The following POTEE variants were observed in gnomAD, a reference collection of about 807,000 sequenced individuals.
The protein encoded by POTEE is ANKRD26-like family C member 1A.
Under a neutral mutation model 74.2 loss-of-function variants are expected in POTEE, and 21 were observed. The observed-to-expected ratio is 0.28, with a 90% confidence interval of 0.20 to 0.41. The LOEUF is 0.41. Among genes scored for constraint, POTEE ranks in the 10% least tolerant of loss-of-function variants. POTEE has a pLI of 1.00. For synonymous variants in POTEE, 211 were observed against 432.8 expected, an observed-to-expected ratio of 0.49 and a Z score of 6.36; for missense variants, 525 against 1,158.6, an observed-to-expected ratio of 0.45 and a Z score of 7.94.
At chr2:131,228,617 C>A (rs1385120140) in intron 8 of POTEE, among the ~76,000 whole-genome samples, 1 of 147,420 alleles carries the variant, frequency 6.8e-6, no homozygotes. Flanking sequence ...CCTTAGAGAT[C>A]CCAGCATTGT....
intron 9 of POTEE, among the ~76,000 whole-genome samples, chr2:131,233,095 A>C (rs1199867910): frequency 2.0e-5 from 3 of 152,132 alleles, no homozygotes; most frequent in Admixed American, 1.3e-4. Context: ...AGGAATGGCT[A>C]TTGATAGGGA....
At chr2:131,230,024 C>G (rs559640913) in intron 8 of POTEE, among the ~76,000 whole-genome samples, 4,148 of 152,106 alleles carry the variant, frequency 0.027, 167 homozygotes, top group African/African-American at 0.094. Flanking sequence ...ATTATCCTAA[C>G]AGACATCTAC....
chr2:131,227,442 A>T (rs1485467683), intron 7 of POTEE, among the ~76,000 whole-genome samples: 1 of 139,342 alleles, frequency 7.2e-6, no homozygotes, highest in Non-Finnish European at 1.5e-5. Context: ...GTTCCCACAT[A>T]CTGTGGGTTC....
In POTEE at chr2:131,238,296, AC is replaced by A. The variant is rs1701207765; in HGVS notation, c.1242+59del. ...TTAGATTTTTACATTATGTTGTTTA[AC>A]AAAATGTAGTAAGTGTAGGCATACA... On this transcript the variant is annotated intron_variant, in intron 11 of 17. Coordinates refer to ENST00000683005, the MANE Select transcript of POTEE (RefSeq NM_001083538.3). The A allele has an allele frequency of 3.3e-5, 49 of 1,502,634 alleles. No homozygotes were observed. In the South Asian group the frequency reaches 5.6e-4, roughly 17 times the overall value. 93.1% of individuals were successfully genotyped at this position (1,502,634 alleles called of 1,614,324 possible).
At chr2:131,216,262 T>C (rs1337324265) in intron 2 of POTEE, among the ~76,000 whole-genome samples, 1 of 152,126 alleles carries the variant, frequency 6.6e-6, no homozygotes, top group African/African-American at 2.4e-5. Context: ...TCAATGCTAC[T>C]CAAAGCATTC....
intron 8 of POTEE, 41 bp from the exon 9 acceptor site, chr2:131,230,795 T>A (rs1383366524): frequency 1.3e-6 from 2 of 1,566,052 alleles, no homozygotes; most frequent in Non-Finnish European, 1.7e-6. Flanking sequence ...TTTATATCAG[T>A]ATTAAAATAG....
chr2:131,212,423 A>G (rs1358818825), intron 2 of POTEE, among the ~76,000 whole-genome samples: 1 of 151,692 alleles, frequency 6.6e-6, no homozygotes, highest in Non-Finnish European at 1.5e-5. Flanking sequence ...GAAGCATCAC[A>G]TAAAAATATT....
intron 17 of POTEE, among the ~76,000 whole-genome samples, chr2:131,263,017 G>GT (rs1701761362): frequency 6.6e-6 from 1 of 151,620 alleles, no homozygotes; most frequent in African/African-American, 2.4e-5. Context: ...ATGCCTCTGG[G>GT]TTTTTTGTAA....
chr2:131,228,800 C>G (rs2579496), intron 8 of POTEE, among the ~76,000 whole-genome samples: 2 of 146,134 alleles, frequency 1.4e-5, no homozygotes, highest in South Asian at 2.1e-4. Flanking sequence ...CGAAGGAGTT[C>G]ACTAAATCCA....
rs1161570587 is a variant in POTEE at position 131,209,839 on chromosome 2, A to C, written c.-345+20A>C. Among the ~76,000 whole-genome samples the C allele has an allele frequency of 3.3e-5, 5 of 151,460 alleles. No homozygotes were observed. The highest frequency in any genetic ancestry group is 5.9e-5 in the Non-Finnish European group (4 of 67,906). On this transcript the variant is annotated intron_variant, in intron 1 of 17. Coordinates refer to ENST00000683005, the MANE Select transcript of POTEE (RefSeq NM_001083538.3). Reference sequence around the variant, plus strand: ...GTGTAGGTGAGTTATCCGGGGATGTACTGCCCGCCTGTGGGGGCAGGGGTT... The same window carrying C: ...GTGTAGGTGAGTTATCCGGGGATGTCCTGCCCGCCTGTGGGGGCAGGGGTT...
intron 2 of POTEE, among the ~76,000 whole-genome samples, chr2:131,211,520 C>CTGTGTGTGTGTGTGTG (rs369206786): frequency 0.043 from 2,163 of 50,194 alleles, 208 homozygotes; most frequent in African/African-American, 0.059. Context: ...TAGGGGGTGA[C>CTGTGTGTGTGTGTGTG]TGTGTGTGTG....
intron 9 of POTEE, among the ~76,000 whole-genome samples, chr2:131,232,799 G>A (rs1369844693): frequency 6.6e-6 from 1 of 151,932 alleles, no homozygotes; most frequent in African/African-American, 2.4e-5. Flanking sequence ...TTCATGGTTG[G>A]CTAATCCGCA....
At chr2:131,221,093 T>G (rs530108968) in intron 4 of POTEE, among the ~76,000 whole-genome samples, 6 of 152,344 alleles carry the variant, frequency 3.9e-5, no homozygotes, top group African/African-American at 1.4e-4. Context: ...ACAAACACTT[T>G]AGTGGTAAGA....
At chr2:131,226,136 G>C (rs1700776210) in intron 6 of POTEE, among the ~76,000 whole-genome samples, 1 of 151,810 alleles carries the variant, frequency 6.6e-6, no homozygotes, top group African/African-American at 2.4e-5. Flanking sequence ...TATCCAGTGT[G>C]TCTCTTAAGT....
At chr2:131,233,813 C>G (rs2105096602) in intron 9 of POTEE, among the ~76,000 whole-genome samples, 1 of 150,050 alleles carries the variant, frequency 6.7e-6, no homozygotes, top group African/African-American at 2.5e-5. Flanking sequence ...GCTTGGGGGA[C>G]AGAGAGAAAT....
At chr2:131,256,933 A>G (rs1420258832) in intron 16 of POTEE, among the ~76,000 whole-genome samples, 3 of 152,426 alleles carry the variant, frequency 2.0e-5, no homozygotes, top group Non-Finnish European at 4.4e-5. Context: ...GGAAGGTTCA[A>G]TGAAACAAAG....
intron 3 of POTEE, among the ~76,000 whole-genome samples, 89 bp downstream of exon 3, chr2:131,217,772 C>T (rs1480442955): frequency 5.4e-5 from 8 of 146,930 alleles, no homozygotes; most frequent in Admixed American, 4.7e-4. Flanking sequence ...CGCACGCGCA[C>T]GCCGCACGCG....
chr2:131,226,976 A>G, intron 7 of POTEE, 47 bp downstream of exon 7: 1 of 1,605,558 alleles, frequency 6.2e-7, no homozygotes, highest in Non-Finnish European at 8.5e-7. Context: ...GACAGCAGTC[A>G]CTCAAGTCAT....
Position 131,264,163 on chromosome 2 carries a change from T to A in POTEE, c.2708T>A (p.Met903Lys). The stretch of plus-strand genomic sequence containing the variant: ...GAGCGTGGCTATAGGTTCACCACCA[T>A]GGCCGAGCGGGAAATCGTGCGTGAC... ...LTERGYRFTTMAEREIVRDIK... is the reference protein window; with the variant it reads ...LTERGYRFTTKAEREIVRDIK... Residue 903 changes from methionine to lysine, a missense_variant, in exon 18 of 18, where the codon ATG (methionine) becomes AAG (lysine). By Grantham distance (95) the Met-to-Lys change is moderately conservative (BLOSUM62 -1). Transcript: ENST00000683005. 1 of 1,614,294 alleles carries A rather than the reference T, an allele frequency of 6.2e-7. No homozygotes were observed. The highest frequency in any genetic ancestry group is 8.5e-7 in the Non-Finnish European group (1 of 1,180,040).
Sources: gnomAD v4.1 joint callset for allele counts (sites outside exome capture counted in the v4.1 genomes callset) on GRCh38, gnomAD v4.1.1 for gene constraint, MANE v1.5 for transcripts, NCBI Gene and HGNC (gene_info 2026-07-23, HGNC 2026-07-21) for gene names.